Variants in FBXW8 observed in about 807,000 individuals in gnomAD.
FBXW8 encodes the protein F-box and WD repeat domain containing 8.
A neutral mutation model predicts 65.3 loss-of-function variants in FBXW8; 57 were observed. That is an observed-to-expected ratio of 0.87 (90% CI 0.71 to 1.09). The LOEUF is 1.09. FBXW8 is among the 50% of genes least tolerant of loss of function. The pLI is 0.00. For missense variants in FBXW8, 777 were observed against 814.8 expected (o/e 0.95, Z 0.57); for synonymous variants, 308 against 330.2 (o/e 0.93, Z 0.73).
chr12:116,955,202 C>T (rs1022835394), intron 4 of FBXW8, among the ~76,000 whole-genome samples: 4 of 152,178 alleles, frequency 2.6e-5, no homozygotes, highest in African/African-American at 9.7e-5. Flanking sequence ...CTCTGGCCCT[C>T]GTTCTTGTCT....
At chr12:116,983,184 T>C (rs1885441705) in intron 5 of FBXW8, among the ~76,000 whole-genome samples, 1 of 152,160 alleles carries the variant, frequency 6.6e-6, no homozygotes, top group Non-Finnish European at 1.5e-5. Flanking sequence ...ACAAATGCAA[T>C]GCAGAGTGTT....
Position 117,028,258 on chromosome 12 carries a change from G to GTT in FBXW8, c.*87_*88insTT. The GTT allele has an allele frequency of 6.6e-7, 1 of 1,525,870 alleles. No individual in the cohort carries two copies. Among genetic ancestry groups the GTT allele is most frequent in the Non-Finnish European group, 8.9e-7 (1 of 1,125,330 alleles). The allele number at this position is 1,525,870 out of a possible 1,614,324, so 94.5% of individuals were successfully genotyped here. On this transcript the variant is annotated 3_prime_UTR_variant, in exon 11 of 11. Coordinates refer to ENST00000652555, the MANE Select transcript of FBXW8 (RefSeq NM_153348.3). The surrounding 1 kb of genome is among the most constrained non-coding windows in gnomAD (Gnocchi z 4.1). The stretch of plus-strand genomic sequence containing the variant: ...AACGCCAGGCACCTCTTCACAGGTG[G>GTT]TAAACATTTAGGGGAAGAAAGCAGC...
At chr12:117,014,506 T>C (rs576638870) in intron 8 of FBXW8, among the ~76,000 whole-genome samples, 1 of 152,232 alleles carries the variant, frequency 6.6e-6, no homozygotes, top group Non-Finnish European at 1.5e-5. Context: ...TCAAGTAATT[T>C]TGAATTGTGT....
chr12:116,930,487 GT>G (rs1327580316), intron 2 of FBXW8, among the ~76,000 whole-genome samples: 2 of 152,034 alleles, frequency 1.3e-5, no homozygotes, highest in African/African-American at 4.8e-5. Flanking sequence ...TTTAAATTGG[GT>G]TTTTTGTCTT....
At chr12:117,007,750 ATAAT>A (rs1431438039) in intron 7 of FBXW8, among the ~76,000 whole-genome samples, 2 of 152,190 alleles carry the variant, frequency 1.3e-5, no homozygotes, top group African/African-American at 4.8e-5. Context: ...GTGAGCATGA[ATAAT>A]TAATCTCACT....
chr12:116,976,074 A>G (rs1884909340), intron 5 of FBXW8, among the ~76,000 whole-genome samples: 1 of 152,246 alleles, frequency 6.6e-6, no homozygotes, highest in African/African-American at 2.4e-5. Flanking sequence ...AACTCTTTGC[A>G]TAATTTTTAT....
At chr12:116,989,583 G>A (rs545747270) in intron 7 of FBXW8, among the ~76,000 whole-genome samples, 1 of 152,316 alleles carries the variant, frequency 6.6e-6, no homozygotes, top group South Asian at 2.1e-4. Flanking sequence ...TTTGAGTGAT[G>A]ACTAAATTTT....
At chr12:116,911,660 C>T (rs1490960912) in intron 1 of FBXW8, among the ~76,000 whole-genome samples, 1 of 151,980 alleles carries the variant, frequency 6.6e-6, no homozygotes, top group Non-Finnish European at 1.5e-5. Flanking sequence ...TCCTGAACAT[C>T]CTACAGTGTA....
At chr12:116,981,492 T>A (rs751859091) in intron 5 of FBXW8, among the ~76,000 whole-genome samples, 2 of 152,168 alleles carry the variant, frequency 1.3e-5, no homozygotes, top group Non-Finnish European at 2.9e-5. Context: ...GTAATAACAA[T>A]GTATTTAAGG....
intron 3 of FBXW8, 111 bp from the exon 4 acceptor site, chr12:116,949,504 CTTG>C: frequency 1.2e-6 from 1 of 866,014 alleles, no homozygotes; most frequent in Non-Finnish European, 1.9e-6. Flanking sequence ...TTTGAATGCA[CTTG>C]TTGTCCATGC....
At chr12:116,930,045 G>C (rs1365407349) in intron 2 of FBXW8, among the ~76,000 whole-genome samples, 1 of 151,920 alleles carries the variant, frequency 6.6e-6, no homozygotes, top group Non-Finnish European at 1.5e-5. Flanking sequence ...AGGCTGAATA[G>C]TATTCCATTG....
At position 116,911,044 on chromosome 12, in the gene FBXW8, G is replaced by A. The variant is rs749465020; in HGVS notation, c.7G>A (p.Asp3Asn). The A allele has an allele frequency of 1.4e-6, 2 of 1,441,308 alleles. No individual in the cohort carries two copies. The allele number at this position is 1,441,308 out of a possible 1,614,324, so 89.3% of individuals were successfully genotyped here. A position where few individuals can be genotyped will look rare whatever the true frequency, so the allele number is the denominator to read the frequency against. Reference sequence around the variant, plus strand: ...AGCGCCGGGAGCGGCGAATATGGACGACTACAGCCTGGATGAGTTCCGTCG... The same window carrying A: ...AGCGCCGGGAGCGGCGAATATGGACAACTACAGCCTGGATGAGTTCCGTCG... MDDYSLDEFRRRW... is the reference protein window; with the variant it reads MDNYSLDEFRRRW... The change falls in exon 1 of 11, where the codon GAC becomes AAC. Residue 3 changes from aspartate (D) to asparagine (N), a missense_variant. Transcript: ENST00000652555.
chr12:117,018,542 A>T (rs1489575253), intron 8 of FBXW8, among the ~76,000 whole-genome samples: 1 of 152,222 alleles, frequency 6.6e-6, no homozygotes, highest in South Asian at 2.1e-4. Flanking sequence ...CTGTTTCTTC[A>T]TGTGAATCTG....
At chr12:116,978,760 A>G (rs1479580863) in intron 5 of FBXW8, 6 of 152,216 alleles carry the variant, frequency 3.9e-5, no homozygotes, top group Non-Finnish European at 8.8e-5. Flanking sequence ...CCTGTTTTAA[A>G]TTTTGTGGTG....
At chr12:116,957,093 T>C (rs1002380520) in intron 4 of FBXW8, among the ~76,000 whole-genome samples, 5 of 152,146 alleles carry the variant, frequency 3.3e-5, no homozygotes, top group Non-Finnish European at 7.3e-5. Flanking sequence ...ATGCCTGTAA[T>C]CCTAGCACTT....
At chr12:117,008,196 A>G (rs1373708677) in intron 7 of FBXW8, among the ~76,000 whole-genome samples, 1 of 152,214 alleles carries the variant, frequency 6.6e-6, no homozygotes, top group Non-Finnish European at 1.5e-5. Flanking sequence ...TCAACATTCT[A>G]CCGACTTAAA....
At chr12:117,027,270 T>G (rs1954253948) in intron 9 of FBXW8, 124 bp from the exon 10 acceptor site, 1 of 735,966 alleles carries the variant, frequency 1.4e-6, no homozygotes, top group Non-Finnish European at 2.3e-6. Flanking sequence ...CTGTTCCCTC[T>G]GTGAAAGAGA....
At chr12:116,951,323 T>C (rs1003832651) in intron 4 of FBXW8, 2 of 152,208 alleles carry the variant, frequency 1.3e-5, no homozygotes, top group African/African-American at 4.8e-5. Flanking sequence ...TTTTATCTGG[T>C]GGTTACGATG....
Position 116,949,607 on chromosome 12 carries a change from T to C in FBXW8, c.589-11T>C, listed in dbSNP as rs1350394956. The C allele has an allele frequency of 6.2e-7, 1 of 1,614,034 alleles. No individual in the cohort carries two copies. The highest frequency in any genetic ancestry group is 8.5e-7 in the Non-Finnish European group (1 of 1,179,886). Reference sequence around the variant, plus strand: ...AGCAGTCTAAACTGCATCCCCCTTTTCCTCACGCAGAATCGCAAAGGTGCC... The same window carrying C: ...AGCAGTCTAAACTGCATCCCCCTTTCCCTCACGCAGAATCGCAAAGGTGCC... On this transcript the variant is annotated splice_polypyrimidine_tract_variant and intron_variant, in intron 3 of 10. Coordinates refer to ENST00000652555, the MANE Select transcript of FBXW8 (RefSeq NM_153348.3).
Sources: gnomAD v4.1 joint callset for allele counts (sites outside exome capture counted in the v4.1 genomes callset) on GRCh38, gnomAD v4.1.1 for gene constraint, Gnocchi (gnomAD v3.1) non-coding constraint, MANE v1.5 for transcripts, NCBI Gene and HGNC (gene_info 2026-07-23, HGNC 2026-07-21) for gene names.